The following SH3D19 variants were observed in gnomAD, a reference collection of about 807,000 sequenced individuals.
SH3D19 encodes the protein SH3 domain-containing protein 19.
Under a neutral mutation model 112.1 loss-of-function variants are expected in SH3D19, and 58 were observed. The observed-to-expected ratio is 0.52, with a 90% CI of 0.42 to 0.64. The LOEUF is 0.64. Among genes scored for constraint, SH3D19 ranks in the 30% least tolerant of loss-of-function variants. The probability of loss-of-function intolerance (pLI) is 0.00; values close to 1 mark genes in which losing one functional copy is unlikely to be tolerated. For missense variants in SH3D19, 1,090 were observed against 1,263.4 expected (o/e 0.86, Z 2.08); for synonymous variants, 391 against 448.5 (o/e 0.87, Z 1.62).
chr4:151,279,522 A>C (rs535451411), intron 1 of SH3D19, among the ~76,000 whole-genome samples: 3 of 152,202 alleles, frequency 2.0e-5, no homozygotes, highest in Non-Finnish European at 4.4e-5. Flanking sequence ...GTGAATCTAG[A>C]TATTAGATGT....
chr4:151,307,823 C>A (rs1488646300), intron 1 of SH3D19, among the ~76,000 whole-genome samples: 1 of 152,224 alleles, frequency 6.6e-6, no homozygotes, highest in Non-Finnish European at 1.5e-5. Context: ...GAGGGATTTG[C>A]CTTCCAACCT....
At chr4:151,122,629 G>T (rs1444648923) in intron 19 of SH3D19, among the ~76,000 whole-genome samples, 1 of 151,994 alleles carries the variant, frequency 6.6e-6, no homozygotes, top group Non-Finnish European at 1.5e-5. Context: ...AAATAAACTG[G>T]CAGAAGAGGA....
At chr4:151,206,831 T>C (rs59407151) in intron 2 of SH3D19, among the ~76,000 whole-genome samples, 4,013 of 152,236 alleles carry the variant, frequency 0.026, 168 homozygotes, top group African/African-American at 0.091. Flanking sequence ...TCGTGCATGC[T>C]CTCATTCTTC....
intron 9 of SH3D19, among the ~76,000 whole-genome samples, chr4:151,158,265 A>G (rs544703274): frequency 6.6e-6 from 1 of 152,138 alleles, no homozygotes; most frequent in African/African-American, 2.4e-5. Context: ...TGGGCTTCCC[A>G]TAAAGTCCTC....
chr4:151,209,359 A>G (rs1393600436), intron 2 of SH3D19, among the ~76,000 whole-genome samples: 1 of 151,778 alleles, frequency 6.6e-6, no homozygotes, highest in East Asian at 1.9e-4. Flanking sequence ...GCTCACTGCA[A>G]CTTCTGCCTC....
At chr4:151,277,824 T>C (rs1010999899) in intron 1 of SH3D19, among the ~76,000 whole-genome samples, 4 of 152,162 alleles carry the variant, frequency 2.6e-5, no homozygotes. Flanking sequence ...GCAGATCACC[T>C]GAGATCAGGA....
At chr4:151,217,884 A>T (rs1767381842) in intron 2 of SH3D19, among the ~76,000 whole-genome samples, 2 of 152,212 alleles carry the variant, frequency 1.3e-5, no homozygotes, top group Non-Finnish European at 2.9e-5. Context: ...TAAATAAGTT[A>T]AAAAAGTCAA....
At chr4:151,138,994 C>CT (rs1200295133) in intron 13 of SH3D19, among the ~76,000 whole-genome samples, 11 of 151,674 alleles carry the variant, frequency 7.3e-5, no homozygotes. Flanking sequence ...TGCCCGGCTA[C>CT]TTTTTTGTAT....
At chr4:151,180,980 A>G (rs1579996520) in intron 3 of SH3D19, among the ~76,000 whole-genome samples, 1 of 119,946 alleles carries the variant, frequency 8.3e-6, no homozygotes, top group Non-Finnish European at 1.7e-5. Flanking sequence ...TCACCGTGTT[A>G]GCCAGGATGG....
intron 2 of SH3D19, among the ~76,000 whole-genome samples, chr4:151,200,323 C>T (rs1764219475): frequency 6.6e-6 from 1 of 152,086 alleles, no homozygotes; most frequent in Admixed American, 6.6e-5. Flanking sequence ...CGCATCTACC[C>T]AGTGATGTGC....
chr4:151,214,453 G>T (rs1580198473), intron 2 of SH3D19, among the ~76,000 whole-genome samples: 1 of 17,452 alleles, frequency 5.7e-5, no homozygotes, highest in Non-Finnish European at 5.9e-4. Flanking sequence ...TGCTGGCCGG[G>T]CGGGGGGCTG....
chr4:151,226,595 T>A (rs1159864809), intron 1 of SH3D19: 9 of 448,852 alleles, frequency 2.0e-5, no homozygotes, highest in Non-Finnish European at 2.7e-5. Flanking sequence ...AGAAGTTGGA[T>A]TTCAATGTTT....
At chr4:151,294,583 T>C (rs1775573382) in intron 1 of SH3D19, among the ~76,000 whole-genome samples, 1 of 152,226 alleles carries the variant, frequency 6.6e-6, no homozygotes, top group African/African-American at 2.4e-5. Flanking sequence ...CACTCAGTGT[T>C]GGACAACACA....
intron 16 of SH3D19, 43 bp from the exon 17 acceptor site, chr4:151,132,426 G>C: frequency 1.9e-6 from 3 of 1,559,342 alleles, no homozygotes; most frequent in South Asian, 1.1e-5. Context: ...CAGAACATTA[G>C]ATGTGAAGGC....
chr4:151,290,440 G>T (rs1460077711), intron 1 of SH3D19, among the ~76,000 whole-genome samples: 1 of 152,070 alleles, frequency 6.6e-6, no homozygotes, highest in Admixed American at 6.5e-5. Context: ...AGACACAAAA[G>T]GTCAGATATT....
chr4:151,288,897 G>A (rs1262098159), intron 1 of SH3D19, among the ~76,000 whole-genome samples: 1 of 152,158 alleles, frequency 6.6e-6, no homozygotes, highest in East Asian at 1.9e-4. Flanking sequence ...AAATTGGCAA[G>A]CTGATCCTAA....
chr4:151,265,513 A>AAGT (rs1491349420), intron 1 of SH3D19, among the ~76,000 whole-genome samples: 1 of 150,456 alleles, frequency 6.6e-6, no homozygotes, highest in Admixed American at 6.6e-5. Context: ...CTCAAGGCAT[A>AAGT]AGTTTGCTTT....
chr4:151,202,284 G>A (rs937716798), intron 2 of SH3D19, among the ~76,000 whole-genome samples: 1 of 152,188 alleles, frequency 6.6e-6, no homozygotes, highest in African/African-American at 2.4e-5. Context: ...GCTGTGAGCC[G>A]AGATCGCGCC....
chr4:151,268,521 A>G (rs932077979), intron 1 of SH3D19, among the ~76,000 whole-genome samples: 3 of 150,666 alleles, frequency 2.0e-5, no homozygotes, highest in African/African-American at 7.3e-5. Flanking sequence ...TACATGTGCC[A>G]TGCTGGTGTG....
Sources: allele counts gnomAD v4.1 joint callset (sites outside exome capture counted in the v4.1 genomes callset), GRCh38; gene constraint gnomAD v4.1.1; transcripts MANE v1.5; gene names NCBI Gene and HGNC (gene_info 2026-07-23, HGNC 2026-07-21).